Variants in DLC1 observed in about 807,000 individuals in gnomAD.
The protein encoded by DLC1 is DLC1 Rho GTPase activating protein, also known as rho GTPase-activating protein 7.
In DLC1, 54 loss-of-function variants were observed where a neutral mutation model predicts 140.3. That is an observed-to-expected ratio of 0.38 (90% CI 0.31 to 0.48). DLC1 has a LOEUF of 0.48. Among genes scored for constraint, DLC1 ranks in the 20% least tolerant of loss-of-function variants. DLC1 has a pLI of 0.96. For missense variants in DLC1, 2,536 were observed against 1,907.0 expected, an observed-to-expected ratio of 1.33 and a Z score of -6.14; for synonymous variants, 986 against 728.1, an observed-to-expected ratio of 1.35 and a Z score of -5.70.
chr8:13,500,119 T>C lies in DLC1; in HGVS notation c.-48A>G. On this transcript the variant is annotated 5_prime_UTR_variant, in exon 2 of 18. Coordinates refer to ENST00000276297, the MANE Select transcript of DLC1 (RefSeq NM_182643.3). ...CAGAGAGATATATTCCATATGAGGG[T>C]AAAGGAGATGGAACTTGATGAAAGA... is the stretch of plus-strand genomic sequence containing the variant. 1 of 1,467,882 alleles carries C rather than the reference T, an allele frequency of 6.8e-7. No individual in the cohort carries two copies. Among genetic ancestry groups the C allele is most frequent in the South Asian group, 1.3e-5 (1 of 79,506 alleles). 90.9% of individuals were successfully genotyped at this position (1,467,882 alleles called of 1,614,324 possible).
chr8:13,595,532 A>G (rs1585315059), intron 1 of DLC1, among the ~76,000 whole-genome samples: 1 of 152,172 alleles, frequency 6.6e-6, no homozygotes, highest in South Asian at 2.1e-4. Context: ...AATACCAGAT[A>G]AATGTTAAAA....
At chr8:13,379,625 C>G (rs532407665) in intron 4 of DLC1, among the ~76,000 whole-genome samples, 3 of 152,276 alleles carry the variant, frequency 2.0e-5, no homozygotes, top group South Asian at 2.1e-4. Flanking sequence ...TTACTTATTG[C>G]TGAAATCCAT....
chr8:13,574,588 CAAATGTATAATTTATATG>C (rs1804773088), intron 1 of DLC1, among the ~76,000 whole-genome samples: 1 of 151,948 alleles, frequency 6.6e-6, no homozygotes, highest in Non-Finnish European at 1.5e-5. Flanking sequence ...CATAATTATA[CAAATGTATAATTTATATG>C]ATTATAATAT....
intron 5 of DLC1, among the ~76,000 whole-genome samples, chr8:13,172,218 G>C (rs1043645561): frequency 6.6e-6 from 1 of 152,204 alleles, no homozygotes; most frequent in Non-Finnish European, 1.5e-5. Flanking sequence ...TTGTATGGGT[G>C]CTTCTGCAAA....
chr8:13,107,257 T>A (rs1409235183), intron 7 of DLC1, among the ~76,000 whole-genome samples: 1 of 152,228 alleles, frequency 6.6e-6, no homozygotes, highest in Non-Finnish European at 1.5e-5. Flanking sequence ...TCTACAAGTC[T>A]TCTTGCCCTG....
chr8:13,151,807 C>G (rs536974257), intron 5 of DLC1, among the ~76,000 whole-genome samples: 10 of 152,224 alleles, frequency 6.6e-5, no homozygotes, highest in African/African-American at 2.4e-4. Context: ...ACTTTTTATT[C>G]CATACTATAT....
At chr8:13,379,496 T>G (rs1203048813) in intron 4 of DLC1, among the ~76,000 whole-genome samples, 1 of 152,214 alleles carries the variant, frequency 6.6e-6, no homozygotes, top group Non-Finnish European at 1.5e-5. Context: ...CAAAGCCTAT[T>G]TTGTAAGTGT....
At chr8:13,567,113 C>T (rs1237621197) in intron 1 of DLC1, 16 of 1,551,648 alleles carry the variant, frequency 1.0e-5, no homozygotes, top group East Asian at 2.4e-5. Context: ...TTCAGCTCCT[C>T]TGGAGGACGG....
At chr8:13,280,185 G>C (rs1427893073) in intron 5 of DLC1, among the ~76,000 whole-genome samples, 2 of 150,088 alleles carry the variant, frequency 1.3e-5, no homozygotes, top group East Asian at 2.0e-4. Context: ...CTACTCAGGA[G>C]GCTGAGGCAG....
intron 2 of DLC1, among the ~76,000 whole-genome samples, chr8:13,454,139 G>A (rs1157545756): frequency 6.6e-6 from 1 of 152,030 alleles, no homozygotes; most frequent in Non-Finnish European, 1.5e-5. Flanking sequence ...GTGCAATTTG[G>A]CTTGTTCATG....
intron 4 of DLC1, among the ~76,000 whole-genome samples, chr8:13,358,195 T>G (rs1415517706): frequency 6.6e-6 from 1 of 152,254 alleles, no homozygotes; most frequent in African/African-American, 2.4e-5. Flanking sequence ...CTTACTTAAT[T>G]AACTAAAACC....
Position 13,357,096 on chromosome 8 carries a change from C to T in DLC1, c.1314+36457G>A, listed in dbSNP as rs1401884657. ...CCAGCCTAGCCCATATAACAAAACC[C>T]CATTTCTACTAAAAATACAAAAAAA... On this transcript the variant is annotated intron_variant, in intron 4 of 17. Transcript: ENST00000276297. Among the ~76,000 whole-genome samples the T allele has an allele frequency of 5.3e-5, 8 of 152,000 alleles. No individual in the cohort carries two copies. In the South Asian group the frequency reaches 6.2e-4, roughly 12 times the overall value.
chr8:13,350,452 A>T lies in DLC1; in HGVS notation c.1314+43101T>A, dbSNP rs375291910. 2.0e-5 allele frequency among the ~76,000 whole-genome samples: 3 copies of T among 152,252 alleles called. No individual in the cohort carries two copies. The East Asian group carries it at 5.8e-4, about 29-fold the overall frequency. The stretch of plus-strand genomic sequence containing the variant: ...AACACCAGGCCAGGCGTGGTGGCTC[A>T]CGTCTGTAATCTCAGCACTTTGGAA... On this transcript the variant is annotated intron_variant, in intron 4 of 17. Transcript: ENST00000276297.
chr8:13,435,198 G>A (rs934579305), intron 2 of DLC1, among the ~76,000 whole-genome samples: 8 of 152,208 alleles, frequency 5.3e-5, no homozygotes. Context: ...GGATGACTTT[G>A]AGGGGTCCAA....
intron 2 of DLC1, among the ~76,000 whole-genome samples, chr8:13,462,655 C>T (rs1029972888): frequency 1.4e-4 from 21 of 152,126 alleles, no homozygotes; most frequent in African/African-American, 5.1e-4. Flanking sequence ...ATCTGCCTGC[C>T]TCGGTCTCCC....
intron 13 of DLC1, 128 bp from the exon 14 acceptor site, chr8:13,091,560 G>A (rs528349748): frequency 2.8e-6 from 2 of 710,766 alleles, no homozygotes; most frequent in Admixed American, 3.0e-5. Context: ...TTGTTAAGTG[G>A]ATTAAGAGTG....
intron 5 of DLC1, among the ~76,000 whole-genome samples, chr8:13,165,108 C>T (rs188470773): frequency 6.6e-6 from 1 of 152,290 alleles, no homozygotes; most frequent in East Asian, 1.9e-4. Context: ...TACCTAGTGA[C>T]ATTTTAATTT....
intron 14 of DLC1, among the ~76,000 whole-genome samples, chr8:13,090,976 TAAA>T (rs1818013522): frequency 6.6e-6 from 1 of 151,816 alleles, no homozygotes. Context: ...GGCTAATTTT[TAAA>T]TTTTTTTTTG....
chr8:13,354,841 G>A (rs1356167693), intron 4 of DLC1, among the ~76,000 whole-genome samples: 1 of 151,268 alleles, frequency 6.6e-6, no homozygotes, highest in Non-Finnish European at 1.5e-5. Flanking sequence ...CCCAGCTGTT[G>A]GGGAAGCTGA....
Sources: allele counts gnomAD v4.1 joint callset (sites outside exome capture counted in the v4.1 genomes callset), GRCh38; gene constraint gnomAD v4.1.1; transcripts MANE v1.5; gene names NCBI Gene and HGNC (gene_info 2026-07-23, HGNC 2026-07-21).